The following SRGAP3 variants were observed in gnomAD, a reference collection of about 807,000 sequenced individuals.
SRGAP3 encodes SLIT-ROBO Rho GTPase-activating protein 3.
Under a neutral mutation model 121.1 loss-of-function variants are expected in SRGAP3, and 39 were observed. The observed-to-expected ratio is 0.32, with a 90% CI of 0.25 to 0.42. The LOEUF (loss-of-function observed/expected upper bound fraction) is 0.42. Ranked by LOEUF, SRGAP3 falls within the 10% of genes least tolerant of loss-of-function variation. SRGAP3 has a pLI of 1.00. For synonymous variants in SRGAP3, 601 were observed against 570.0 expected (o/e 1.05, Z -0.77); for missense variants, 1,213 against 1,470.6 (o/e 0.82, Z 2.86).
chr3:9,339,382 CA>C (rs1955745167), intron 1 of SRGAP3, among the ~76,000 whole-genome samples: 1 of 152,158 alleles, frequency 6.6e-6, no homozygotes, highest in South Asian at 2.1e-4. Flanking sequence ...TTAAAAAAAT[CA>C]AATGATGTAT....
At chr3:9,163,121 A>T (rs1950653909) in intron 1 of SRGAP3, among the ~76,000 whole-genome samples, 2 of 152,244 alleles carry the variant, frequency 1.3e-5, no homozygotes, top group Non-Finnish European at 2.9e-5. Flanking sequence ...TTCAATAAAC[A>T]TGAACAATCG....
Position 8,994,389 on chromosome 3 carries a change from C to A in SRGAP3, c.2362G>T (p.Gly788Cys). The A allele has an allele frequency of 1.2e-6, 2 of 1,614,212 alleles. No homozygotes were observed. Among genetic ancestry groups the A allele is most frequent in the South Asian group, 2.2e-5 (2 of 91,086 alleles). Residue 788 changes from glycine (G) to cysteine (C), a missense_variant, in exon 19 of 22, where the codon GGC becomes TGC. Physicochemically the swap from Gly to Cys is radical, Grantham distance 159 (BLOSUM62 -3). Around this residue, in one of 2 missense-constraint regions of SRGAP3, gnomAD observed 793 missense variants for 1,032.9 expected, o/e 0.77. Coordinates refer to ENST00000383836, the MANE Select transcript of SRGAP3 (RefSeq NM_014850.4). ...SEDWWEGRHNGVDGLIPHQYI... is the reference protein window; with the variant it reads ...SEDWWEGRHNCVDGLIPHQYI... ...TGATGGGGGATGAGTCCATCCACGC[C>A]GTTGTGCCGGCCCTCCCACCAGTCC...
At chr3:9,216,754 G>A (rs1952647624) in intron 1 of SRGAP3, 1 of 152,646 alleles carries the variant, frequency 6.6e-6, no homozygotes, top group Non-Finnish European at 1.5e-5. Context: ...CACCACGGAA[G>A]CCACCCAAGT....
Position 9,309,783 on chromosome 3 carries a change from T to C in SRGAP3, n.442+16227A>G, listed in dbSNP as rs565105435. On this transcript the variant is annotated intron_variant and non_coding_transcript_variant, in intron 3 of 3. Transcript: ENST00000490889. ...CTGTGGTGGGAGGACTGCTTGAACA[T>C]GGGAGGTCGAGGCTGCAGGGAGCCA... Among the ~76,000 whole-genome samples the C allele has an allele frequency of 7.2e-5, 11 of 152,190 alleles. No homozygotes were observed. The East Asian group carries it at 2.1e-3, about 29-fold the overall frequency.
intron 1 of SRGAP3, among the ~76,000 whole-genome samples, chr3:9,199,584 A>G (rs912964089): frequency 6.6e-6 from 1 of 152,202 alleles, no homozygotes; most frequent in African/African-American, 2.4e-5. Flanking sequence ...GAGTTGTAAC[A>G]TTATTAAATA....
At chr3:9,090,595 G>A (rs1485928858) in intron 3 of SRGAP3, among the ~76,000 whole-genome samples, 26 of 152,244 alleles carry the variant, frequency 1.7e-4, no homozygotes, top group Non-Finnish European at 1.6e-4. Context: ...CCTCACAGTA[G>A]GTCCTAAGAC....
chr3:9,010,254 C>A, intron 18 of SRGAP3, 54 bp downstream of exon 18: 1 of 1,603,700 alleles, frequency 6.2e-7, no homozygotes, highest in South Asian at 1.1e-5. Flanking sequence ...TGACAAAAGT[C>A]AGTGTGAGAG....
At chr3:9,025,232 C>A (rs1210476271) in intron 14 of SRGAP3, 29 bp downstream of exon 14, 1 of 1,613,226 alleles carries the variant, frequency 6.2e-7, no homozygotes, top group Non-Finnish European at 8.5e-7. Flanking sequence ...CCCCTGGCCA[C>A]AAGCCTAAGA....
Position 9,080,038 on chromosome 3 carries a change from T to A in SRGAP3, c.473A>T (p.Asn158Ile). The A allele has an allele frequency of 6.3e-7, 1 of 1,581,690 alleles. No homozygotes were observed. Among genetic ancestry groups the A allele is most frequent in the Non-Finnish European group, 8.6e-7 (1 of 1,162,964 alleles). ...GGCAGAACTTACTGTGTAGAGCTCA[T>A]TGGTCACCTTCAGGAGCTCCTCGTG... ...QMHEELLKVTNELYTVMKTYH... is the reference protein window; with the variant it reads ...QMHEELLKVTIELYTVMKTYH... Residue 158 changes from asparagine to isoleucine, a missense_variant, in exon 4 of 22, where the codon AAT (asparagine) becomes ATT (isoleucine). Asn to Ile is a moderately radical substitution (Grantham distance 149). This residue lies in a region of SRGAP3 where 793 missense variants were observed against 1,032.9 expected (regional missense o/e 0.77). Coordinates refer to ENST00000383836, the MANE Select transcript of SRGAP3 (RefSeq NM_014850.4).
Position 9,144,347 on chromosome 3 carries a change from C to G in SRGAP3, c.68-19430G>C, listed in dbSNP as rs1352631283. ...TCAGTCCCCTAGCCTTCTCTCTTCC[C>G]CTTCAACATACCAAGTTCTTTTCTG... On this transcript the variant is annotated intron_variant, in intron 1 of 21. Transcript: ENST00000383836. Among the ~76,000 whole-genome samples the G allele has an allele frequency of 2.6e-5, 4 of 152,330 alleles. No individual in the cohort carries two copies. In the East Asian group the frequency reaches 7.7e-4, roughly 29 times the overall value.
At chr3:9,348,527 G>C in intron 1 of SRGAP3, 1 of 757,158 alleles carries the variant, frequency 1.3e-6, no homozygotes, top group East Asian at 2.5e-5. Context: ...GTACAACACC[G>C]ACCTGAGCCC....
intron 2 of SRGAP3, among the ~76,000 whole-genome samples, chr3:9,327,305 C>CT (rs1955536853): frequency 6.6e-6 from 1 of 151,748 alleles, no homozygotes; most frequent in Non-Finnish European, 1.5e-5. Context: ...TAACTTTAGC[C>CT]AACATGTTCA....
chr3:9,151,641 G>A (rs1015839247), intron 1 of SRGAP3, among the ~76,000 whole-genome samples: 2 of 152,212 alleles, frequency 1.3e-5, no homozygotes, highest in Non-Finnish European at 2.9e-5. Context: ...CTGGCTGGAT[G>A]GAAACAGCAG....
At chr3:9,263,475 C>G (rs1213560872) in intron 3 of SRGAP3, among the ~76,000 whole-genome samples, 3 of 151,970 alleles carry the variant, frequency 2.0e-5, no homozygotes, top group African/African-American at 7.3e-5. Flanking sequence ...AGACTGCTAG[C>G]CAGGCTAATA....
chr3:9,350,056 A>G (rs1162789327), intron 1 of SRGAP3: 4 of 152,106 alleles, frequency 2.6e-5, no homozygotes, highest in South Asian at 2.1e-4. Context: ...TCTGTACAAT[A>G]AAGGAGTGAT....
At chr3:9,088,327 C>G (rs1316598831) in intron 3 of SRGAP3, among the ~76,000 whole-genome samples, 1 of 152,146 alleles carries the variant, frequency 6.6e-6, no homozygotes, top group Non-Finnish European at 1.5e-5. Context: ...TCCAGATTGA[C>G]GGAGCACAGC....
At chr3:9,200,876 A>C (rs1246132774) in intron 1 of SRGAP3, among the ~76,000 whole-genome samples, 1 of 152,194 alleles carries the variant, frequency 6.6e-6, no homozygotes, top group Non-Finnish European at 1.5e-5. Flanking sequence ...ACACACTCTC[A>C]TTTAAAAACC....
chr3:9,248,808 G>A, intron 1 of SRGAP3, 77 bp downstream of exon 1: 1 of 1,423,666 alleles, frequency 7.0e-7, no homozygotes, highest in East Asian at 2.3e-5. Flanking sequence ...AAAACGGGGG[G>A]CAGCGGGGGA....
intron 3 of SRGAP3, among the ~76,000 whole-genome samples, chr3:9,314,067 G>A (rs1041843187): frequency 2.0e-4 from 31 of 152,334 alleles, no homozygotes; most frequent in Middle Eastern, 3.4e-3. Flanking sequence ...AACTCCTTCA[G>A]GGCAGAACTT....
Sources: allele counts gnomAD v4.1 joint callset (sites outside exome capture counted in the v4.1 genomes callset), GRCh38; gene constraint gnomAD v4.1.1; regional missense constraint gnomAD v4.1.1; transcripts MANE v1.5; gene names NCBI Gene and HGNC (gene_info 2026-07-23, HGNC 2026-07-21).